KCNIP1: variants seen among roughly 807,000 people sequenced by gnomAD.
KCNIP1 encodes the protein A-type potassium channel modulatory protein KCNIP1.
KCNIP1 carries 18 observed loss-of-function variants against 33.0 expected under a neutral mutation model. The ratio of observed to expected loss-of-function variants is 0.55; its 90% CI spans 0.38 to 0.81. KCNIP1 has a LOEUF of 0.81. KCNIP1 is among the 30% of genes least tolerant of loss of function. The probability of loss-of-function intolerance (pLI) is 0.00; values close to 1 mark genes in which losing one functional copy is unlikely to be tolerated. For missense variants in KCNIP1, 238 were observed against 271.6 expected, an observed-to-expected ratio of 0.88 and a Z score of 0.87; for synonymous variants, 93 against 98.3, an observed-to-expected ratio of 0.95 and a Z score of 0.32.
intron 1 of KCNIP1, chr5:170,639,532 A>G (rs1184954553): frequency 6.6e-6 from 1 of 152,176 alleles, no homozygotes; most frequent in Non-Finnish European, 1.5e-5. Flanking sequence ...TCATCCCTCC[A>G]AACGCGCTGT....
chr5:170,481,100 G>A (rs1756968568), intron 1 of KCNIP1, among the ~76,000 whole-genome samples: 1 of 152,176 alleles, frequency 6.6e-6, no homozygotes, highest in Non-Finnish European at 1.5e-5. Context: ...GACTCCATGT[G>A]TTTTAATTGA....
intron 1 of KCNIP1, chr5:170,377,374 C>A (rs1192466218): frequency 6.6e-6 from 1 of 152,198 alleles, no homozygotes; most frequent in Admixed American, 6.5e-5. Context: ...GCCCAGGGAC[C>A]ACACTTGGAC....
At chr5:170,717,883 G>A (rs1581539228) in intron 1 of KCNIP1, among the ~76,000 whole-genome samples, 3 of 152,296 alleles carry the variant, frequency 2.0e-5, no homozygotes. Flanking sequence ...AAGGTTAGAT[G>A]GCAATTGATT....
At chr5:170,543,702 T>G (rs185578569) in intron 1 of KCNIP1, among the ~76,000 whole-genome samples, 84 of 152,368 alleles carry the variant, frequency 5.5e-4, no homozygotes, top group African/African-American at 1.9e-3. Context: ...TTGAAGCACC[T>G]GACAACTTTG....
chr5:170,713,363 G>T (rs138225237), intron 1 of KCNIP1, among the ~76,000 whole-genome samples: 36 of 152,194 alleles, frequency 2.4e-4, no homozygotes, highest in Non-Finnish European at 4.6e-4. Context: ...TATGTGGTTT[G>T]TAGGTGGGAG....
chr5:170,721,981 G>A, intron 4 of KCNIP1, 78 bp downstream of exon 4: 1 of 1,529,904 alleles, frequency 6.5e-7, no homozygotes, highest in Non-Finnish European at 9.0e-7. Context: ...GGCATTGGGG[G>A]AAGGTCTGGA....
intron 1 of KCNIP1, chr5:170,681,135 C>T (rs1030753237): frequency 2.5e-6 from 1 of 399,244 alleles, no homozygotes; most frequent in Non-Finnish European, 4.4e-6. Flanking sequence ...GTGCTCCTCC[C>T]TGAAACTTTT....
Position 170,440,481 on chromosome 5 carries a change from G to A in KCNIP1, c.88+86517G>A, listed in dbSNP as rs780757517. The stretch of plus-strand genomic sequence containing the variant: ...CCACACAACAACTTGGAGGAAACAC[G>A]GAACTGAAGGAAATTGATTCCCAGG... On this transcript the variant is annotated intron_variant, in intron 1 of 7. Transcript: ENST00000377360. Among the ~76,000 whole-genome samples, 4 of 152,302 alleles carry A rather than the reference G, an allele frequency of 2.6e-5. No individual in the cohort carries two copies. The East Asian group carries it at 5.8e-4, about 22-fold the overall frequency.
At chr5:170,358,465 C>T (rs1763407646) in intron 1 of KCNIP1, among the ~76,000 whole-genome samples, 1 of 152,158 alleles carries the variant, frequency 6.6e-6, no homozygotes, top group South Asian at 2.1e-4. Flanking sequence ...GACCTTGGAC[C>T]CGGGCATGGA....
intron 1 of KCNIP1, among the ~76,000 whole-genome samples, chr5:170,558,546 C>T (rs141576344): frequency 2.0e-5 from 3 of 152,322 alleles, no homozygotes; most frequent in African/African-American, 7.2e-5. Flanking sequence ...CATCTAAGAT[C>T]ATGGAAGCGC....
At chr5:170,503,234 T>C (rs1757452236), upstream of KCNIP1, among the ~76,000 whole-genome samples, 1 of 151,102 alleles carries the variant, frequency 6.6e-6, no homozygotes, top group African/African-American at 2.4e-5. Context: ...TATTAAAAAA[T>C]ACAAAAAAAT....
At chr5:170,714,254 G>A (rs1763563998) in intron 1 of KCNIP1, among the ~76,000 whole-genome samples, 1 of 152,168 alleles carries the variant, frequency 6.6e-6, no homozygotes, top group South Asian at 2.1e-4. Flanking sequence ...TGTGCTGCAA[G>A]GCTGGCTACA....
At chr5:170,522,521 G>A (rs779085647) in intron 1 of KCNIP1, among the ~76,000 whole-genome samples, 21 of 152,212 alleles carry the variant, frequency 1.4e-4, no homozygotes, top group East Asian at 3.8e-4. Flanking sequence ...GGGAGTATTC[G>A]CCTGACAGAT....
In KCNIP1 at chr5:170,584,558, G is replaced by A. The variant is rs537222293; in HGVS notation, c.61+79925G>A. ...AACACCAGGAATCTGGCAGGGACAC[G>A]TAGAGTCAAGGAGACAGAAAGACCA... is the stretch of plus-strand genomic sequence containing the variant. On this transcript the variant is annotated intron_variant, in intron 1 of 7. Transcript: ENST00000328939. Among the ~76,000 whole-genome samples the A allele has an allele frequency of 4.6e-5, 7 of 152,304 alleles. No individual in the cohort carries two copies. In the East Asian group the frequency reaches 5.8e-4, roughly 13 times the overall value.
At chr5:170,562,285 G>A (rs1367533169) in intron 1 of KCNIP1, among the ~76,000 whole-genome samples, 2 of 152,226 alleles carry the variant, frequency 1.3e-5, no homozygotes, top group Admixed American at 1.3e-4. Flanking sequence ...TGTGGAGCCA[G>A]GAGGGAGCCT....
chr5:170,467,412 T>C (rs10077001), intron 1 of KCNIP1, among the ~76,000 whole-genome samples: 18,094 of 151,982 alleles, frequency 0.12, 1,197 homozygotes, highest in Non-Finnish European at 0.15. Context: ...AATAAGAAAG[T>C]TGGAGGATCT....
intron 1 of KCNIP1, among the ~76,000 whole-genome samples, chr5:170,475,882 T>C (rs1756847070): frequency 6.6e-6 from 1 of 152,140 alleles, no homozygotes; most frequent in Non-Finnish European, 1.5e-5. Context: ...ATTACCCCCT[T>C]GTCAGGAGTA....
At chr5:170,583,944 G>A (rs4867983) in intron 1 of KCNIP1, among the ~76,000 whole-genome samples, 141,433 of 152,288 alleles carry the variant, frequency 0.93, 65,870 homozygotes, top group East Asian at 0.99. Context: ...ACATCAGGTC[G>A]TTATTTTAAC....
chr5:170,375,822 G>A (rs549018402), intron 1 of KCNIP1: 2 of 152,326 alleles, frequency 1.3e-5, no homozygotes, highest in Non-Finnish European at 2.9e-5. Context: ...TTTGTTTCAT[G>A]CCAAAACTCT....
Sources: gnomAD v4.1 joint callset for allele counts (sites outside exome capture counted in the v4.1 genomes callset) on GRCh38, gnomAD v4.1.1 for gene constraint, MANE v1.5 for transcripts, NCBI Gene and HGNC (gene_info 2026-07-23, HGNC 2026-07-21) for gene names.